CDH18: variants seen among roughly 807,000 people sequenced by gnomAD.
CDH18 encodes cadherin 18, also known as cadherin-18.
In CDH18, 31 loss-of-function variants were observed where a neutral mutation model predicts 67.9. The ratio of observed to expected loss-of-function variants is 0.46; its 90% confidence interval spans 0.34 to 0.62. CDH18 has a LOEUF of 0.62. CDH18 is among the 20% of genes least tolerant of loss of function. The probability of loss-of-function intolerance (pLI) is 0.01; values close to 1 mark genes in which losing one functional copy is unlikely to be tolerated. For missense variants in CDH18, 890 were observed against 975.5 expected (o/e 0.91, Z 1.17); for synonymous variants, 362 against 347.2 (o/e 1.04, Z -0.48).
chr5:20,032,369 T>G (rs1739480840), intron 2 of CDH18, among the ~76,000 whole-genome samples: 1 of 151,794 alleles, frequency 6.6e-6, no homozygotes, highest in Admixed American at 6.6e-5. Context: ...CAAGTTATAT[T>G]TTACAGAGAT....
At chr5:20,350,339 CATTTA>C (rs1206731925) in intron 1 of CDH18, among the ~76,000 whole-genome samples, 12 of 151,966 alleles carry the variant, frequency 7.9e-5, no homozygotes, top group African/African-American at 2.9e-4. Flanking sequence ...TTCAATGGTT[CATTTA>C]ATTTAATTCA....
intron 1 of CDH18, among the ~76,000 whole-genome samples, chr5:20,290,848 AT>A (rs1192914185): frequency 1.3e-5 from 2 of 152,162 alleles, no homozygotes; most frequent in Non-Finnish European, 2.9e-5. Context: ...ATGGTATGTC[AT>A]TCTATGAAGC....
chr5:19,564,614 G>A (rs1740033282), intron 8 of CDH18, among the ~76,000 whole-genome samples: 1 of 152,118 alleles, frequency 6.6e-6, no homozygotes, highest in Admixed American at 6.5e-5. Flanking sequence ...AGACTCAGGT[G>A]TAACCCAGGG....
At chr5:19,829,918 G>A (rs367602399) in intron 3 of CDH18, among the ~76,000 whole-genome samples, 6 of 152,106 alleles carry the variant, frequency 3.9e-5, no homozygotes, top group South Asian at 4.1e-4. Flanking sequence ...TGACAAAGTC[G>A]ACAAAAAACA....
At chr5:19,602,453 A>C (rs1747293176) in intron 6 of CDH18, among the ~76,000 whole-genome samples, 1 of 151,170 alleles carries the variant, frequency 6.6e-6, no homozygotes, top group Non-Finnish European at 1.5e-5. Flanking sequence ...ATAAGTTAAC[A>C]CTGCAAAACA....
chr5:19,917,877 A>AT (rs1792003289), intron 2 of CDH18, among the ~76,000 whole-genome samples: 1 of 152,292 alleles, frequency 6.6e-6, no homozygotes, highest in Admixed American at 6.5e-5. Flanking sequence ...AGCACAACAA[A>AT]TTTGAATTAT....
chr5:20,250,589 C>CTT lies in CDH18; in HGVS notation c.-518+4853_-518+4854dup, dbSNP rs70954644. ...TACAGGCGTGAGCCACGGCCCATGG[C>CTT]TTTTTTTTTTTTTTTTTTTTTTTTT... On this transcript the variant is annotated intron_variant, in intron 2 of 14. Coordinates refer to the CDH18 transcript ENST00000507958. Among the ~76,000 whole-genome samples the CTT allele has an allele frequency of 8.9e-5, 3 of 33,568 alleles. 1 individual carries two copies. The highest frequency in any genetic ancestry group is 4.6e-4 in the African/African-American group (3 of 6,468). The allele number at this position is 33,568 out of a possible 152,430, so 22.0% of individuals were successfully genotyped here.
At chr5:20,339,388 T>C (rs1439997130) in intron 1 of CDH18, among the ~76,000 whole-genome samples, 1 of 152,140 alleles carries the variant, frequency 6.6e-6, no homozygotes, top group African/African-American at 2.4e-5. Context: ...CCCATATGTA[T>C]AAGCCTCCTT....
chr5:20,566,102 A>G (rs1188883911), intron 1 of CDH18, among the ~76,000 whole-genome samples: 1 of 152,092 alleles, frequency 6.6e-6, no homozygotes, highest in Non-Finnish European at 1.5e-5. Flanking sequence ...CACTGACTCT[A>G]ATTAGTAAAG....
intron 2 of CDH18, among the ~76,000 whole-genome samples, chr5:20,254,178 T>A (rs1356429013): frequency 1.3e-5 from 2 of 152,212 alleles, no homozygotes. Flanking sequence ...AGTGGTGCGA[T>A]CTTGGCTCAC....
At chr5:19,837,022 A>G (rs1781725864) in intron 3 of CDH18, among the ~76,000 whole-genome samples, 1 of 152,162 alleles carries the variant, frequency 6.6e-6, no homozygotes, top group Non-Finnish European at 1.5e-5. Context: ...ATGCCCATCA[A>G]TGATAAACTG....
At chr5:20,339,554 C>T (rs1020972843) in intron 1 of CDH18, among the ~76,000 whole-genome samples, 2 of 152,054 alleles carry the variant, frequency 1.3e-5, no homozygotes, top group African/African-American at 2.4e-5. Flanking sequence ...GCACTACCTT[C>T]TCTATAGGTT....
chr5:19,967,922 G>A (rs976767721), intron 2 of CDH18, among the ~76,000 whole-genome samples: 18 of 152,060 alleles, frequency 1.2e-4, no homozygotes, highest in African/African-American at 3.9e-4. Flanking sequence ...CAGATGACAT[G>A]ATTGTATATC....
chr5:19,701,694 T>C (rs188312791), intron 5 of CDH18, among the ~76,000 whole-genome samples: 14 of 152,142 alleles, frequency 9.2e-5, no homozygotes, highest in African/African-American at 3.4e-4. Context: ...AAAATTGATT[T>C]ATGACTGGGC....
chr5:20,280,600 T>C (rs1480967247), intron 1 of CDH18, among the ~76,000 whole-genome samples: 6 of 152,208 alleles, frequency 3.9e-5, no homozygotes, highest in Admixed American at 3.3e-4. Flanking sequence ...CTTAATCTAG[T>C]CTATCACTGT....
rs1373583143 is a variant in CDH18 at position 19,764,173 on chromosome 5, C to CT, written c.229-16938dup. Reference sequence around the variant, plus strand: ...CCTGGGCAACAGAGCGAGACTCTGTCTCAAAAAAAAAAAAAAAATACAGTA... The same window carrying CT: ...CCTGGGCAACAGAGCGAGACTCTGTCTTCAAAAAAAAAAAAAAAATACAGTA... On this transcript the variant is annotated intron_variant, in intron 3 of 12. Coordinates refer to ENST00000382275, the MANE Select transcript of CDH18 (RefSeq NM_004934.5). Among the ~76,000 whole-genome samples the CT allele has an allele frequency of 2.2e-4, 29 of 129,718 alleles. 1 individual carries two copies. The highest frequency in any genetic ancestry group is 9.8e-5 in the Non-Finnish European group (6 of 61,332). 85.1% of individuals were successfully genotyped at this position (129,718 alleles called of 152,430 possible).
At chr5:20,259,147 C>T (rs1744460540) in intron 1 of CDH18, among the ~76,000 whole-genome samples, 1 of 152,098 alleles carries the variant, frequency 6.6e-6, no homozygotes, top group African/African-American at 2.4e-5. Flanking sequence ...GAGTGAAAGT[C>T]TAAATCCCCC....
At chr5:19,945,628 C>G (rs2150245884) in intron 2 of CDH18, among the ~76,000 whole-genome samples, 1 of 152,140 alleles carries the variant, frequency 6.6e-6, no homozygotes. Flanking sequence ...TATAAATTCT[C>G]AGAAACAGAA....
At chr5:20,114,239 G>T (rs533135962) in intron 2 of CDH18, among the ~76,000 whole-genome samples, 2 of 152,276 alleles carry the variant, frequency 1.3e-5, no homozygotes, top group Admixed American at 6.5e-5. Flanking sequence ...TTGAAATAAA[G>T]AATATCTTGC....
Sources: gnomAD v4.1 joint callset for allele counts (sites outside exome capture counted in the v4.1 genomes callset) on GRCh38, gnomAD v4.1.1 for gene constraint, MANE v1.5 for transcripts, NCBI Gene and HGNC (gene_info 2026-07-23, HGNC 2026-07-21) for gene names.